SLC7A6OS: variants seen among roughly 807,000 people sequenced by gnomAD.
The protein encoded by SLC7A6OS is probable RNA polymerase II nuclear localization protein SLC7A6OS.
Under a neutral mutation model 34.3 loss-of-function variants are expected in SLC7A6OS, and 22 were observed. The observed-to-expected ratio is 0.64, with a 90% CI of 0.46 to 0.92. The LOEUF (loss-of-function observed/expected upper bound fraction) is 0.92. Among genes scored for constraint, SLC7A6OS ranks in the 40% least tolerant of loss-of-function variants. The probability of loss-of-function intolerance (pLI) is 0.00; values close to 1 mark genes in which losing one functional copy is unlikely to be tolerated. For synonymous variants in SLC7A6OS, 199 were observed against 165.0 expected (o/e 1.21, Z -1.58); for missense variants, 434 against 407.7 (o/e 1.06, Z -0.56).
rs568284743 is a variant in SLC7A6OS at position 68,302,302 on chromosome 16, T to A, written c.799+79A>T. ...CTCAATGACAGAGAAGGAAAGGCAATTAAGATGCACCTGTCAACTATGCCT... is the reference window on the plus strand; with the variant it reads ...CTCAATGACAGAGAAGGAAAGGCAAATAAGATGCACCTGTCAACTATGCCT... On this transcript the variant is annotated intron_variant, in intron 4 of 4. Transcript: ENST00000263997. The A allele has an allele frequency of 7.8e-6, 12 of 1,545,192 alleles. No homozygotes were observed. The East Asian group carries it at 2.5e-4, about 32-fold the overall frequency.
In SLC7A6OS at chr16:68,298,175, G is replaced by C. The variant is rs940504589; in HGVS notation, c.*3100C>G. ...GAGTCAGAAGTCTGTTAATATTGCT[G>C]TTTTGAAGGACAATCCTTTATTTTA... On this transcript the variant is annotated 3_prime_UTR_variant, in exon 5 of 5. Coordinates refer to ENST00000263997, the MANE Select transcript of SLC7A6OS (RefSeq NM_032178.3). 1.3e-5 allele frequency: 2 copies of C among 152,666 alleles called. No individual in the cohort carries two copies. The highest frequency in any genetic ancestry group is 4.8e-5 in the African/African-American group (2 of 41,458). The allele number at this position is 152,666 out of a possible 1,614,324, so 9.5% of individuals were successfully genotyped here.
intron 3 of SLC7A6OS, 50 bp from the exon 4 acceptor site, chr16:68,302,551 T>C (rs368504391): frequency 2.4e-5 from 39 of 1,612,700 alleles, no homozygotes; most frequent in Non-Finnish European, 4.2e-6. Flanking sequence ...TCTAAGGTTA[T>C]GCTCTGGGGG....
At chr16:68,302,625 C>CTAG (rs1176205490) in intron 3 of SLC7A6OS, 124 bp from the exon 4 acceptor site, 1 of 1,120,088 alleles carries the variant, frequency 8.9e-7, no homozygotes, top group Non-Finnish European at 1.3e-6. Flanking sequence ...AAACTGCAGA[C>CTAG]TAGTAGTTTG....
At chr16:68,303,833 G>A (rs2043306412) in intron 3 of SLC7A6OS, 193 bp downstream of exon 3, 3 of 592,698 alleles carry the variant, frequency 5.1e-6, no homozygotes, top group Middle Eastern at 4.5e-4. Flanking sequence ...ATCAATCTAA[G>A]ATGATCTTTC....
rs1167118429 is a variant in SLC7A6OS, at chr16:68,298,128, A to G, written c.*3147T>C. Reference sequence around the variant, plus strand: ...TACAAGCACTTGGCTCAGGTCCAGCAAGGACAGATGAACAAATTCCTGAGT... The same window carrying G: ...TACAAGCACTTGGCTCAGGTCCAGCGAGGACAGATGAACAAATTCCTGAGT... On this transcript the variant is annotated 3_prime_UTR_variant, in exon 5 of 5. Transcript: ENST00000263997. 4 of 152,674 alleles carry G rather than the reference A, an allele frequency of 2.6e-5. No homozygotes were observed. The highest frequency in any genetic ancestry group is 5.9e-5 in the Non-Finnish European group (4 of 68,042). The allele number at this position is 152,674 out of a possible 1,614,324, so 9.5% of individuals were successfully genotyped here.
At chr16:68,302,803 C>T (rs1390525027) in intron 3 of SLC7A6OS, among the ~76,000 whole-genome samples, 17 of 152,120 alleles carry the variant, frequency 1.1e-4, no homozygotes, top group Admixed American at 1.1e-3. Context: ...AACCAAAACC[C>T]AAGCGTAAGA....
intron 2 of SLC7A6OS, among the ~76,000 whole-genome samples, chr16:68,309,239 C>T (rs1275929065): frequency 6.6e-6 from 1 of 151,858 alleles, no homozygotes; most frequent in Non-Finnish European, 1.5e-5. Context: ...GGACTACAAG[C>T]GCGTGCCACA....
intron 2 of SLC7A6OS, among the ~76,000 whole-genome samples, chr16:68,305,999 G>T (rs900016419): frequency 6.6e-6 from 1 of 152,006 alleles, no homozygotes; most frequent in Non-Finnish European, 1.5e-5. Context: ...AGGCTGCACC[G>T]AGCCGTGATC....
At chr16:68,304,776 G>C (rs2043314909) in intron 2 of SLC7A6OS, among the ~76,000 whole-genome samples, 1 of 152,110 alleles carries the variant, frequency 6.6e-6, no homozygotes, top group Non-Finnish European at 1.5e-5. Context: ...GCTCTTTTGT[G>C]CTTGGCTCTC....
rs2043243867 is a variant in SLC7A6OS, at chr16:68,300,103, C to T, written c.*1172G>A. On this transcript the variant is annotated 3_prime_UTR_variant, in exon 5 of 5. Coordinates refer to ENST00000263997, the MANE Select transcript of SLC7A6OS (RefSeq NM_032178.3). ...GAGGGTACACCCCTAGCTGAATGTT[C>T]TGTGTTGTTTCCTTAGACCTGTGGT... 1 of 152,232 alleles carries T rather than the reference C, an allele frequency of 6.6e-6. No homozygotes were observed. Among genetic ancestry groups the T allele is most frequent in the African/African-American group, 2.4e-5 (1 of 41,464 alleles). 9.4% of individuals were successfully genotyped at this position (152,232 alleles called of 1,614,324 possible).
rs530674229 is a variant in SLC7A6OS at position 68,306,626 on chromosome 16, G to A, written c.472-2394C>T. Among the ~76,000 whole-genome samples the A allele has an allele frequency of 1.8e-4, 28 of 152,208 alleles. No homozygotes were observed. The East Asian group carries it at 5.2e-3, about 28-fold the overall frequency. On this transcript the variant is annotated intron_variant, in intron 2 of 4. Transcript: ENST00000263997. ...CTCCTGAGTAGCTGGGACTAAAGGTGTGCACCACTCCTCCTAGCTAGAAGA... is the reference window on the plus strand; with the variant it reads ...CTCCTGAGTAGCTGGGACTAAAGGTATGCACCACTCCTCCTAGCTAGAAGA...
rs572940092 is a variant in SLC7A6OS at position 68,307,820 on chromosome 16, C to T, written c.471+2515G>A. Among the ~76,000 whole-genome samples the T allele has an allele frequency of 2.8e-4, 43 of 152,262 alleles. 1 individual carries two copies. In the South Asian group the frequency reaches 8.3e-3, roughly 29 times the overall value. ...CAAACATTTTTGGTATGTTTAGAGT[C>T]GGTATTGCTTTACTGGAAAAATCTC... On this transcript the variant is annotated intron_variant, in intron 2 of 4. Transcript: ENST00000263997.
At chr16:68,310,634 G>C (rs903085645) in intron 1 of SLC7A6OS, 21 bp from the exon 2 acceptor site, 1 of 1,586,972 alleles carries the variant, frequency 6.3e-7, no homozygotes, top group Non-Finnish European at 8.6e-7. Flanking sequence ...ACAGGGGACG[G>C]AGGCCAGCGT....
At chr16:68,303,875 C>T in intron 3 of SLC7A6OS, 151 bp downstream of exon 3, 1 of 674,076 alleles carries the variant, frequency 1.5e-6, no homozygotes, top group South Asian at 1.9e-5. Context: ...AGTCAGGTTC[C>T]TAAAAGGCAC....
In SLC7A6OS at chr16:68,310,450, T is replaced by C. The variant is rs981674978; in HGVS notation, c.356A>G (p.Gln119Arg). The change falls in exon 2 of 5, where the codon CAG (glutamine) becomes CGG (arginine). Residue 119 changes from glutamine (Q) to arginine (R), a missense_variant. Transcript: ENST00000263997. ...RRSLGTTSSG[Q>R]ESEYTPGNPE... ...GTTCCCCGGCGTGTACTCGGACTCC[T>C]GGCCGCTCGAGGTGGTCCCCAAGGA... The C allele has an allele frequency of 3.7e-6, 6 of 1,603,576 alleles. No individual in the cohort carries two copies. Among genetic ancestry groups the C allele is most frequent in the Non-Finnish European group, 5.1e-6 (6 of 1,175,390 alleles).
Position 68,299,453 on chromosome 16 carries a change from G to A in SLC7A6OS, c.*1822C>T, listed in dbSNP as rs1284967606. 2.6e-5 allele frequency: 4 copies of A among 152,598 alleles called. No individual in the cohort carries two copies. Among genetic ancestry groups the A allele is most frequent in the African/African-American group, 9.7e-5 (4 of 41,424 alleles). The allele number at this position is 152,598 out of a possible 1,614,324, so 9.5% of individuals were successfully genotyped here. ...TGTGCTGGATACAGACTTCTCCCAG[G>A]ATCCTCTCTTTGGGAGCGAAGCCAG... On this transcript the variant is annotated 3_prime_UTR_variant, in exon 5 of 5. Coordinates refer to ENST00000263997, the MANE Select transcript of SLC7A6OS (RefSeq NM_032178.3).
At chr16:68,303,963 G>A in intron 3 of SLC7A6OS, 63 bp downstream of exon 3, 1 of 1,440,536 alleles carries the variant, frequency 6.9e-7, no homozygotes, top group Admixed American at 1.7e-5. Context: ...GGGAAGCAAA[G>A]CATTCTGATT....
intron 2 of SLC7A6OS, among the ~76,000 whole-genome samples, chr16:68,306,405 G>C (rs2043326719): frequency 6.6e-6 from 1 of 151,988 alleles, no homozygotes; most frequent in Non-Finnish European, 1.5e-5. Flanking sequence ...TTTTAGTAGA[G>C]ACCGGGTTTC....
At chr16:68,310,032 G>A (rs537779018) in intron 2 of SLC7A6OS, among the ~76,000 whole-genome samples, 8 of 152,150 alleles carry the variant, frequency 5.3e-5, no homozygotes, top group Non-Finnish European at 1.2e-4. Context: ...CACTCTTCCT[G>A]CTTTGTCTCC....
Sources: gnomAD v4.1 joint callset for allele counts (sites outside exome capture counted in the v4.1 genomes callset) on GRCh38, gnomAD v4.1.1 for gene constraint, MANE v1.5 for transcripts, NCBI Gene and HGNC (gene_info 2026-07-23, HGNC 2026-07-21) for gene names.